Variants in AFG1L observed in about 807,000 individuals in gnomAD.
AFG1L encodes the protein AFG1-like ATPase.
AFG1L carries 53 observed loss-of-function variants against 62.2 expected under a neutral mutation model. That is an observed-to-expected ratio of 0.85 (90% CI 0.68 to 1.07). AFG1L has a LOEUF of 1.07. Among genes scored for constraint, AFG1L ranks in the 50% least tolerant of loss-of-function variants. The probability of loss-of-function intolerance (pLI) is 0.00; values close to 1 mark genes in which losing one functional copy is unlikely to be tolerated. For synonymous variants in AFG1L, 228 were observed against 210.3 expected, an observed-to-expected ratio of 1.08 and a Z score of -0.73; for missense variants, 555 against 590.5, an observed-to-expected ratio of 0.94 and a Z score of 0.62.
At chr6:108,478,911 GA>G (rs1773229831) in intron 10 of AFG1L, among the ~76,000 whole-genome samples, 1 of 152,174 alleles carries the variant, frequency 6.6e-6, no homozygotes, top group Admixed American at 6.5e-5. Context: ...TGATGGGGAA[GA>G]AGATTGATTG....
intron 1 of AFG1L, among the ~76,000 whole-genome samples, chr6:108,303,499 C>T (rs1777088029): frequency 6.6e-6 from 1 of 152,190 alleles, no homozygotes; most frequent in Non-Finnish European, 1.5e-5. Flanking sequence ...CTGTTGAGGA[C>T]CATTTCTACT....
Position 108,381,997 on chromosome 6 carries a change from G to GTTT in AFG1L, c.748+15683_748+15685dup, listed in dbSNP as rs768825605. Among the ~76,000 whole-genome samples the GTTT allele has an allele frequency of 7.7e-3, 915 of 118,264 alleles. 19 individuals carry two copies. Among genetic ancestry groups the GTTT allele is most frequent in the Admixed American group, 0.043 (487 of 11,236 alleles). The allele number at this position is 118,264 out of a possible 152,430, so 77.6% of individuals were successfully genotyped here. On this transcript the variant is annotated intron_variant, in intron 6 of 12. Coordinates refer to ENST00000368977, the MANE Select transcript of AFG1L (RefSeq NM_145315.5). ...TTGGAGTTTCTGGTTTTTATTCACT[G>GTTT]TTTTTTTTTTTTTTTTTTTTGAGAT...
chr6:108,503,928 A>G (rs770044842), intron 10 of AFG1L, among the ~76,000 whole-genome samples: 1 of 152,230 alleles, frequency 6.6e-6, no homozygotes, highest in East Asian at 1.9e-4. Flanking sequence ...TCATGAACCA[A>G]CCTCTGCTGG....
intron 10 of AFG1L, among the ~76,000 whole-genome samples, chr6:108,495,215 G>A (rs572234525): frequency 1.3e-5 from 2 of 152,102 alleles, no homozygotes; most frequent in African/African-American, 4.8e-5. Context: ...CTATTAAAAG[G>A]TACTTCTCTT....
intron 3 of AFG1L, among the ~76,000 whole-genome samples, chr6:108,354,577 T>G (rs1308708211): frequency 2.0e-5 from 3 of 152,134 alleles, no homozygotes; most frequent in Non-Finnish European, 4.4e-5. Flanking sequence ...AGTGCTGGGA[T>G]TACAGGTGTG....
At chr6:108,486,837 A>G (rs1399539415) in intron 10 of AFG1L, among the ~76,000 whole-genome samples, 2 of 151,720 alleles carry the variant, frequency 1.3e-5, no homozygotes, top group Admixed American at 6.6e-5. Context: ...CCCAAATAGC[A>G]GGGATTACAG....
intron 8 of AFG1L, among the ~76,000 whole-genome samples, chr6:108,455,774 A>G (rs1300344366): frequency 1.3e-5 from 2 of 152,152 alleles, no homozygotes; most frequent in African/African-American, 4.8e-5. Context: ...AATGATTCCC[A>G]GATTTAACTA....
At chr6:108,401,545 G>C (rs6934910) in intron 6 of AFG1L, among the ~76,000 whole-genome samples, 1 of 152,154 alleles carries the variant, frequency 6.6e-6, no homozygotes, top group East Asian at 1.9e-4. Context: ...TCCCCAAAGT[G>C]CTAGGATTAC....
intron 2 of AFG1L, chr6:108,344,745 C>G (rs1408011108): frequency 4.2e-6 from 2 of 470,866 alleles, no homozygotes; most frequent in Non-Finnish European, 8.8e-6. Context: ...TGAACTCACT[C>G]CACCCTGTCA....
chr6:108,389,711 T>C (rs1462194627), intron 6 of AFG1L, among the ~76,000 whole-genome samples: 6 of 152,198 alleles, frequency 3.9e-5, no homozygotes, highest in Non-Finnish European at 5.9e-5. Context: ...TGGCCCCCAC[T>C]CTCCTCTGGC....
intron 10 of AFG1L, among the ~76,000 whole-genome samples, chr6:108,497,233 C>T (rs939792315): frequency 6.6e-6 from 1 of 151,910 alleles, no homozygotes; most frequent in Non-Finnish European, 1.5e-5. Context: ...ACATGTTTGC[C>T]GGCATCAAAT....
intron 8 of AFG1L, among the ~76,000 whole-genome samples, chr6:108,471,248 A>G (rs1226707799): frequency 1.3e-5 from 2 of 152,170 alleles, no homozygotes; most frequent in African/African-American, 2.4e-5. Flanking sequence ...AAAATTCTCA[A>G]CCTTCATAAC....
At chr6:108,441,649 G>A (rs1168940816) in intron 7 of AFG1L, among the ~76,000 whole-genome samples, 1 of 149,984 alleles carries the variant, frequency 6.7e-6, no homozygotes, top group Admixed American at 6.7e-5. Flanking sequence ...TCTGCAAAGA[G>A]CTTTGAAGAA....
chr6:108,345,713 T>C (rs1562097898), intron 2 of AFG1L, among the ~76,000 whole-genome samples: 1 of 152,044 alleles, frequency 6.6e-6, no homozygotes, highest in Non-Finnish European at 1.5e-5. Flanking sequence ...CCCCTCTGCA[T>C]ATTTGTTCTG....
At chr6:108,331,743 A>G (rs1778285228) in intron 2 of AFG1L, among the ~76,000 whole-genome samples, 1 of 152,226 alleles carries the variant, frequency 6.6e-6, no homozygotes, top group African/African-American at 2.4e-5. Flanking sequence ...TTACACAGCC[A>G]AATCAAGCAT....
At chr6:108,350,381 T>C (rs1474307477) in intron 3 of AFG1L, among the ~76,000 whole-genome samples, 1 of 151,970 alleles carries the variant, frequency 6.6e-6, no homozygotes, top group Non-Finnish European at 1.5e-5. Flanking sequence ...AGAGAATACC[T>C]ACCTGGTAGC....
At chr6:108,417,248 AC>A (rs1770343191) in intron 7 of AFG1L, among the ~76,000 whole-genome samples, 1 of 107,794 alleles carries the variant, frequency 9.3e-6, no homozygotes, top group Non-Finnish European at 1.9e-5. Context: ...ACACACACAC[AC>A]ACACACACAC....
intron 1 of AFG1L, among the ~76,000 whole-genome samples, chr6:108,305,322 T>C (rs1207153778): frequency 6.6e-6 from 1 of 152,344 alleles, no homozygotes; most frequent in East Asian, 1.9e-4. Flanking sequence ...GTGTGGTTTT[T>C]GTTCTCCTGG....
chr6:108,307,841 G>A (rs923537679), intron 1 of AFG1L, among the ~76,000 whole-genome samples: 4 of 152,056 alleles, frequency 2.6e-5, no homozygotes, highest in East Asian at 1.9e-4. Flanking sequence ...CTAACAGCTG[G>A]TATTCTTTTT....
Sources: gnomAD v4.1 joint callset for allele counts (sites outside exome capture counted in the v4.1 genomes callset) on GRCh38, gnomAD v4.1.1 for gene constraint, MANE v1.5 for transcripts, NCBI Gene and HGNC (gene_info 2026-07-23, HGNC 2026-07-21) for gene names.